Variants in MADD observed in about 807,000 individuals in gnomAD.
MADD encodes the protein MAP kinase-activating death domain protein.
MADD carries 109 observed loss-of-function variants against 176.7 expected under a neutral mutation model. The observed-to-expected ratio is 0.62, with a 90% confidence interval of 0.53 to 0.72. The LOEUF (loss-of-function observed/expected upper bound fraction) is 0.72, where lower values mean the gene tolerates loss of function less well. Among genes scored for constraint, MADD ranks in the 30% least tolerant of loss-of-function variants. The pLI is 0.00. For synonymous variants in MADD, 771 were observed against 771.3 expected, an observed-to-expected ratio of 1.00 and a Z score of 0.01; for missense variants, 1,914 against 2,045.5, an observed-to-expected ratio of 0.94 and a Z score of 1.24.
chr11:47,326,673 G>A, intron 30 of MADD, 65 bp from the exon 35 acceptor site: 2 of 1,580,104 alleles, frequency 1.3e-6, no homozygotes, highest in Non-Finnish European at 8.6e-7. Flanking sequence ...AGCTGGGAGA[G>A]TGTGCTGTGT....
intron 22 of MADD, among the ~76,000 whole-genome samples, chr11:47,305,219 C>T (rs2081640242): frequency 6.6e-6 from 1 of 152,112 alleles, no homozygotes; most frequent in South Asian, 2.1e-4. Flanking sequence ...GCTGCAGAGG[C>T]ACTGGGTTCC....
intron 26 of MADD, among the ~76,000 whole-genome samples, chr11:47,312,718 A>T (rs2090451452): frequency 6.6e-6 from 1 of 152,156 alleles, no homozygotes; most frequent in African/African-American, 2.4e-5. Flanking sequence ...TACGGGTGTG[A>T]ACCACCGCAC....
chr11:47,308,785 G>T (rs192725060), intron 23 of MADD, 86 bp downstream of exon 25: 1 of 1,189,320 alleles, frequency 8.4e-7, no homozygotes, highest in African/African-American at 1.5e-5. Context: ...GTAGCTGGTT[G>T]TCTTTCTGCT....
At chr11:47,288,926 G>A (rs773435543) in intron 15 of MADD, 42 bp from the exon 16 acceptor site, 8 of 1,409,806 alleles carry the variant, frequency 5.7e-6, no homozygotes, top group South Asian at 1.2e-5. Flanking sequence ...GAGGGGTTGC[G>A]GTATTGTGGT....
chr11:47,269,866 C>G (rs1336676006), upstream of MADD: 1 of 152,132 alleles, frequency 6.6e-6, no homozygotes, highest in African/African-American at 2.4e-5. Context: ...GGCGCTATGA[C>G]CCCGTCGGGT....
intron 27 of MADD, among the ~76,000 whole-genome samples, chr11:47,323,355 G>A (rs1006471359): frequency 1.4e-4 from 21 of 151,154 alleles, no homozygotes; most frequent in Non-Finnish European, 2.5e-4. Flanking sequence ...CTGAGATGGC[G>A]CCACTGCAGT....
intron 2 of MADD, 63 bp downstream of exon 2, chr11:47,274,039 T>A (rs1049709500): frequency 6.9e-7 from 1 of 1,439,778 alleles, no homozygotes; most frequent in Non-Finnish European, 9.7e-7. Context: ...CTGCAGTTGT[T>A]CCCTTCTCCG....
exon 3 of MADD, chr11:47,275,117 G>A (rs747403366): frequency 5.6e-6 from 9 of 1,613,902 alleles, no homozygotes; most frequent in Middle Eastern, 1.6e-4. Context: ...TGTAGTGAGC[G>A]CCTTCTGGGC....
At chr11:47,303,004 C>T (rs1385143929) in intron 22 of MADD, among the ~76,000 whole-genome samples, 1 of 151,822 alleles carries the variant, frequency 6.6e-6, no homozygotes, top group Non-Finnish European at 1.5e-5. Flanking sequence ...TTGAGCATGT[C>T]TTGTAAGGGT....
chr11:47,323,069 C>G (rs1433799468), intron 27 of MADD, among the ~76,000 whole-genome samples: 1 of 152,006 alleles, frequency 6.6e-6, no homozygotes, highest in East Asian at 1.9e-4. Flanking sequence ...GAAACCCTGT[C>G]TCTACTAAAA....
intron 22 of MADD, among the ~76,000 whole-genome samples, chr11:47,302,292 C>A (rs1346475531): frequency 6.6e-6 from 1 of 152,158 alleles, no homozygotes; most frequent in African/African-American, 2.4e-5. Context: ...CCGCTCACTG[C>A]AACCTCCACC....
rs575304194 is a variant in MADD at position 47,272,680 on chromosome 11, G to A, written c.-88-1147G>A. Among the ~76,000 whole-genome samples, 3 of 152,180 alleles carry A rather than the reference G, an allele frequency of 2.0e-5. 1 individual carries two copies. The highest frequency in any genetic ancestry group is 2.0e-4 in the Admixed American group (3 of 15,278). ...AGAGAAGTGTATAGACACTTAACAC[G>A]AAATAAATTATAATTAAGACCATGA... On this transcript the variant is annotated intron_variant, in intron 1 of 32. Coordinates refer to ENST00000402192, the Ensembl canonical transcript of MADD.
intron 22 of MADD, among the ~76,000 whole-genome samples, chr11:47,300,943 A>G (rs1325623698): frequency 2.1e-5 from 3 of 141,258 alleles, no homozygotes; most frequent in East Asian, 4.2e-4. Flanking sequence ...GTCTCCAGTG[A>G]TTTTTTGTTT....
chr11:47,323,756 A>G (rs2094947970), exon 28 of MADD: 3 of 1,614,148 alleles, frequency 1.9e-6, no homozygotes, highest in Non-Finnish European at 2.5e-6. Context: ...AACATGACCT[A>G]CTGTCCCAAG....
chr11:47,270,133 A>G (rs1430658455), upstream of MADD: 2 of 151,688 alleles, frequency 1.3e-5, no homozygotes, highest in East Asian at 3.9e-4. Context: ...CGTGCCCCCC[A>G]GTGCAGACGC....
chr11:47,278,909 G>A (rs927229498), intron 6 of MADD, 90 bp from the exon 7 acceptor site: 4 of 990,434 alleles, frequency 4.0e-6, no homozygotes, highest in Middle Eastern at 2.1e-4. Flanking sequence ...TAATAATAAT[G>A]TATATACGTC....
chr11:47,304,534 A>G (rs978388725), intron 22 of MADD, among the ~76,000 whole-genome samples: 4 of 151,874 alleles, frequency 2.6e-5, no homozygotes, highest in Non-Finnish European at 5.9e-5. Flanking sequence ...CTGGCCCTCT[A>G]TTGTATTTTT....
Position 47,276,071 on chromosome 11 carries a change from C to G in MADD, c.832C>G (p.Pro278Ala), listed in dbSNP as rs756980071. 2.8e-5 allele frequency: 45 copies of G among 1,614,102 alleles called. No homozygotes were observed. Among genetic ancestry groups the G allele is most frequent in the Non-Finnish European group, 3.6e-5 (42 of 1,180,044 alleles). The change falls in exon 4 of 33, where the codon CCA (proline) becomes GCA (alanine). Residue 278 changes from proline (P) to alanine (A), a missense_variant. Around this residue, in one of 2 missense-constraint regions of MADD, gnomAD observed 1,767 missense variants for 1,836.0 expected, o/e 0.96. Coordinates refer to ENST00000402192, the Ensembl canonical transcript of MADD. The stretch of plus-strand genomic sequence containing the variant: ...CGAGGTCCTACCCCAAGAGCTCCAG[C>G]CAGCTCTGACCTTTGCTCTTCCAGA...
At chr11:47,316,496 C>G (rs1433963506) in intron 27 of MADD, among the ~76,000 whole-genome samples, 1 of 148,322 alleles carries the variant, frequency 6.7e-6, no homozygotes, top group Non-Finnish European at 1.5e-5. Context: ...TCAAGCGATT[C>G]TCCTGCCTCA....
Sources: gnomAD v4.1 joint callset for allele counts (sites outside exome capture counted in the v4.1 genomes callset) on GRCh38, gnomAD v4.1.1 for gene constraint, gnomAD v4.1.1 regional missense constraint, MANE v1.5 for transcripts, NCBI Gene and HGNC (gene_info 2026-07-23, HGNC 2026-07-21) for gene names.